TENM2: variants seen among roughly 807,000 people sequenced by gnomAD.
TENM2 encodes the protein teneurin transmembrane protein 2.
A neutral mutation model predicts 245.2 loss-of-function variants in TENM2; 52 were observed. The observed-to-expected ratio is 0.21, with a 90% CI of 0.17 to 0.27. The LOEUF (loss-of-function observed/expected upper bound fraction) is 0.27, where lower values mean the gene tolerates loss of function less well. Ranked by LOEUF, TENM2 falls within the 10% of genes least tolerant of loss-of-function variation. TENM2 has a pLI of 1.00. For synonymous variants in TENM2, 1,363 were observed against 1,438.9 expected, an observed-to-expected ratio of 0.95 and a Z score of 1.19; for missense variants, 3,046 against 3,666.8, an observed-to-expected ratio of 0.83 and a Z score of 4.37.
intron 2 of TENM2, among the ~76,000 whole-genome samples, chr5:167,381,407 G>GA (rs1295344514): frequency 6.6e-6 from 1 of 152,164 alleles, no homozygotes; most frequent in Non-Finnish European, 1.5e-5. Flanking sequence ...TTTAACAACA[G>GA]AAGTTACCAA....
chr5:168,086,268 G>GTTATC (rs1042677261), intron 7 of TENM2, among the ~76,000 whole-genome samples: 19 of 152,288 alleles, frequency 1.2e-4, no homozygotes, highest in African/African-American at 4.6e-4. Flanking sequence ...AACCCACTAA[G>GTTATC]TTATCTTAAT....
rs1780608224 is a variant in TENM2 at position 167,956,952 on chromosome 5, G to A, written c.947+4130G>A. ...ACTTTTCTTTTTTTGTTGTGTCTTT[G>A]CCAGGTTTTGCTATCAGGATGATGC... On this transcript the variant is annotated intron_variant, in intron 4 of 28. Transcript: ENST00000518659. 2.0e-5 allele frequency among the ~76,000 whole-genome samples: 3 copies of A among 151,980 alleles called. No homozygotes were observed. In the South Asian group the frequency reaches 6.3e-4, roughly 32 times the overall value.
intron 2 of TENM2, among the ~76,000 whole-genome samples, chr5:167,875,094 G>A (rs1361942643): frequency 1.3e-5 from 2 of 152,180 alleles, no homozygotes; most frequent in East Asian, 1.9e-4. Context: ...GATGCAGGGG[G>A]TGAATAAAAT....
intron 2 of TENM2, among the ~76,000 whole-genome samples, chr5:167,732,530 G>T (rs1186858825): frequency 6.6e-6 from 1 of 152,124 alleles, no homozygotes; most frequent in Non-Finnish European, 1.5e-5. Context: ...ACTGCCAAAT[G>T]GTTGACAGTT....
intron 1 of TENM2, among the ~76,000 whole-genome samples, chr5:167,323,924 C>G (rs989754666): frequency 6.6e-6 from 1 of 152,112 alleles, no homozygotes; most frequent in Non-Finnish European, 1.5e-5. Context: ...TGGGGCATAA[C>G]GATCTGGGTC....
chr5:167,057,855 C>T, the TENM2 span, among the ~76,000 whole-genome samples: 1 of 152,140 alleles, frequency 6.6e-6, no homozygotes, highest in Non-Finnish European at 1.5e-5. Context: ...TTTGGCAGAG[C>T]TCCTGGAGTT....
intron 2 of TENM2, among the ~76,000 whole-genome samples, chr5:167,688,302 T>C (rs1757209258): frequency 6.6e-6 from 1 of 152,162 alleles, no homozygotes; most frequent in Non-Finnish European, 1.5e-5. Context: ...TTGTGAACTT[T>C]CCCCCCATGT....
intron 5 of TENM2, among the ~76,000 whole-genome samples, chr5:168,008,667 T>C (rs1036558268): frequency 6.6e-6 from 1 of 152,136 alleles, no homozygotes; most frequent in Non-Finnish European, 1.5e-5. Flanking sequence ...AAGACAGATT[T>C]GTGATACAAT....
In TENM2 at chr5:167,570,391, GA is replaced by G. The variant is rs796169157; in HGVS notation, c.502+194929del. On this transcript the variant is annotated intron_variant, in intron 2 of 28. Coordinates refer to ENST00000518659, the Ensembl canonical transcript of TENM2. ...ATTTTAAGAAGGATGAATTGGAGAA[GA>G]AAAAAAAAAACCTCTTAAAACGGCT... 3.7e-3 allele frequency among the ~76,000 whole-genome samples: 115 copies of G among 30,736 alleles called. No homozygotes were observed. In the East Asian group the frequency reaches 0.042, roughly 11 times the overall value. The allele number at this position is 30,736 out of a possible 152,430, so 20.2% of individuals were successfully genotyped here.
the TENM2 span, among the ~76,000 whole-genome samples, chr5:167,021,090 G>A: frequency 2.1e-4 from 32 of 152,140 alleles, no homozygotes; most frequent in East Asian, 6.2e-3. Context: ...GTTGCAGTGA[G>A]CTGAGATTGT....
At chr5:167,676,736 C>G (rs536828844) in intron 2 of TENM2, among the ~76,000 whole-genome samples, 1 of 152,192 alleles carries the variant, frequency 6.6e-6, no homozygotes, top group East Asian at 1.9e-4. Flanking sequence ...GCATTCATCT[C>G]TTATAAATAA....
chr5:168,133,997 A>C (rs1024764161), intron 12 of TENM2, among the ~76,000 whole-genome samples: 1 of 151,986 alleles, frequency 6.6e-6, no homozygotes, highest in African/African-American at 2.4e-5. Context: ...TCTACTAAAC[A>C]TACAAAAATT....
At chr5:168,238,304 A>G (rs78909479) in intron 25 of TENM2, among the ~76,000 whole-genome samples, 4,001 of 107,204 alleles carry the variant, frequency 0.037, 75 homozygotes, top group African/African-American at 0.05. Flanking sequence ...GAAAAGAAAA[A>G]ATCCCAGAAG....
intron 2 of TENM2, among the ~76,000 whole-genome samples, chr5:167,750,708 G>T (rs1761903763): frequency 6.6e-6 from 1 of 152,080 alleles, no homozygotes; most frequent in African/African-American, 2.4e-5. Context: ...ATTCCAGCCT[G>T]GGGTTTTCTT....
At chr5:167,926,790 G>T (rs202137293) in intron 3 of TENM2, among the ~76,000 whole-genome samples, 2 of 151,180 alleles carry the variant, frequency 1.3e-5, no homozygotes, top group East Asian at 3.9e-4. Flanking sequence ...AGCGATGGGA[G>T]TTTTCTGTAT....
At chr5:167,767,762 T>C (rs1394380377) in intron 2 of TENM2, among the ~76,000 whole-genome samples, 8 of 152,220 alleles carry the variant, frequency 5.3e-5, no homozygotes, top group Admixed American at 5.2e-4. Flanking sequence ...TGGATAACAT[T>C]CCAGTTCTTT....
At chr5:167,252,736 G>A in the TENM2 span, among the ~76,000 whole-genome samples, 21 of 152,034 alleles carry the variant, frequency 1.4e-4, no homozygotes, top group Admixed American at 1.2e-3. Context: ...AGTGGTCTCT[G>A]CTATATTGGC....
In TENM2 at chr5:167,562,305, G is replaced by A. The variant is rs577345036; in HGVS notation, c.502+186832G>A. 5.9e-5 allele frequency among the ~76,000 whole-genome samples: 9 copies of A among 151,576 alleles called. No individual in the cohort carries two copies. In the East Asian group the frequency reaches 1.5e-3, roughly 26 times the overall value. On this transcript the variant is annotated intron_variant, in intron 2 of 28. Coordinates refer to ENST00000518659, the Ensembl canonical transcript of TENM2. The stretch of plus-strand genomic sequence containing the variant: ...ACACAAGAGAATCTAGTTGGGCAAA[G>A]AGGCATTTTTTCCCCCTAACAATAG...
chr5:167,165,646 T>C, the TENM2 span, among the ~76,000 whole-genome samples: 1 of 152,078 alleles, frequency 6.6e-6, no homozygotes, highest in African/African-American at 2.4e-5. Flanking sequence ...GATCAAGCTA[T>C]GACTAAGGTA....
Sources: gnomAD v4.1 joint callset for allele counts (sites outside exome capture counted in the v4.1 genomes callset) on GRCh38, gnomAD v4.1.1 for gene constraint, MANE v1.5 for transcripts, NCBI Gene and HGNC (gene_info 2026-07-23, HGNC 2026-07-21) for gene names.